Variants in DMD observed in about 807,000 individuals in gnomAD.
The protein encoded by DMD is mutant dystrophin.
A neutral mutation model predicts 330.1 loss-of-function variants in DMD; 63 were observed. The ratio of observed to expected loss-of-function variants is 0.19; its 90% CI spans 0.16 to 0.24. DMD has a LOEUF of 0.24. DMD is among the 10% of genes least tolerant of loss of function. The pLI, the probability that DMD is intolerant of heterozygous loss-of-function variation, is 1.00. For missense variants in DMD, 3,344 were observed against 2,684.1 expected, an observed-to-expected ratio of 1.25 and a Z score of -5.43; for synonymous variants, 1,223 against 959.8, an observed-to-expected ratio of 1.27 and a Z score of -5.07.
At chrX:31,498,862 T>C (rs923526638) in intron 56 of DMD, among the ~76,000 whole-genome samples, 16 of 112,390 alleles carry the variant, frequency 1.4e-4, no homozygotes, top group African/African-American at 4.2e-4. Context: ...TTGAATATAA[T>C]AGTGCATGCA....
At chrX:32,635,059 T>A (rs1168227550) in intron 11 of DMD, among the ~76,000 whole-genome samples, 1 of 112,124 alleles carries the variant, frequency 8.9e-6, no homozygotes, top group Non-Finnish European at 1.9e-5. Context: ...AGGGTTCATC[T>A]AAATGCTCCC....
intron 9 of DMD, among the ~76,000 whole-genome samples, chrX:32,694,781 C>T (rs1300310995): frequency 1.8e-5 from 2 of 111,190 alleles, no homozygotes; most frequent in Non-Finnish European, 3.8e-5. Context: ...CTCAGCCTCC[C>T]GAGTAGCTGG....
At chrX:33,338,329 T>G (rs936050300) in intron 1 of DMD, among the ~76,000 whole-genome samples, 18 of 110,649 alleles carry the variant, frequency 1.6e-4, no homozygotes, top group Non-Finnish European at 3.2e-4. Flanking sequence ...ATGCTCATGC[T>G]CCATTTGCTT....
At chrX:32,244,109 C>T (rs1287451777) in intron 43 of DMD, among the ~76,000 whole-genome samples, 1 of 72,608 alleles carries the variant, frequency 1.4e-5, no homozygotes, top group African/African-American at 5.1e-5. Flanking sequence ...TCCCCCCTCC[C>T]CCCACCCCAC....
At chrX:31,526,128 T>C (rs992501858) in intron 55 of DMD, among the ~76,000 whole-genome samples, 4 of 112,447 alleles carry the variant, frequency 3.6e-5, no homozygotes, top group African/African-American at 1.3e-4. Flanking sequence ...CACCCAAGTG[T>C]TTTAAATGCG....
chrX:32,311,904 C>A (rs2097563930), intron 41 of DMD, among the ~76,000 whole-genome samples: 1 of 111,495 alleles, frequency 9.0e-6, no homozygotes, highest in Non-Finnish European at 1.9e-5. Context: ...GGTTGGTGAC[C>A]ATTATGTTGT....
At chrX:32,495,506 G>A (rs750993555) in intron 19 of DMD, among the ~76,000 whole-genome samples, 14 of 111,552 alleles carry the variant, frequency 1.3e-4, no homozygotes, top group Middle Eastern at 4.6e-3. Context: ...ACACTGTCAC[G>A]TTAATAACCG....
intron 51 of DMD, among the ~76,000 whole-genome samples, chrX:31,754,784 T>C (rs191897548): frequency 9.0e-6 from 1 of 111,183 alleles, no homozygotes; most frequent in East Asian, 2.8e-4. Flanking sequence ...ATTACCCCCA[T>C]ACAAGCCAGG....
At chrX:31,569,638 A>ACG (rs1569551981) in intron 55 of DMD, among the ~76,000 whole-genome samples, 3 of 98,501 alleles carry the variant, frequency 3.0e-5, no homozygotes, top group African/African-American at 1.2e-4. Context: ...ATACGTATAT[A>ACG]TATGTATATA....
chrX:31,246,958 T>G (rs1384279131), intron 63 of DMD, among the ~76,000 whole-genome samples: 7 of 110,368 alleles, frequency 6.3e-5, no homozygotes, highest in African/African-American at 2.3e-4. Flanking sequence ...TTATGTGAAA[T>G]CTACTTTGCC....
chrX:32,461,426 A>T (rs1284720058), intron 25 of DMD, among the ~76,000 whole-genome samples: 1 of 111,494 alleles, frequency 9.0e-6, no homozygotes, highest in Admixed American at 9.6e-5. Context: ...ACAGATACAT[A>T]TAATATTCTA....
intron 55 of DMD, among the ~76,000 whole-genome samples, chrX:31,527,734 A>G (rs2073355245): frequency 9.0e-6 from 1 of 110,976 alleles, no homozygotes; most frequent in Non-Finnish European, 1.9e-5. Flanking sequence ...CTAGATTTCA[A>G]CCTCCTGGTT....
chrX:31,483,753 C>T (rs746569736), intron 57 of DMD, among the ~76,000 whole-genome samples: 1 of 111,632 alleles, frequency 9.0e-6, no homozygotes, highest in African/African-American at 3.2e-5. Flanking sequence ...GATAAAACTC[C>T]CACAAAAAGA....
chrX:33,159,489 T>C (rs1163764218), intron 1 of DMD: 1 of 111,700 alleles, frequency 9.0e-6, no homozygotes, highest in African/African-American at 3.3e-5. Flanking sequence ...CCTGTGTCCA[T>C]GTGTTCTCAT....
intron 1 of DMD, among the ~76,000 whole-genome samples, chrX:33,302,096 T>C: frequency 8.9e-6 from 1 of 111,914 alleles, no homozygotes; most frequent in East Asian, 2.8e-4. Context: ...CTTGAAAACA[T>C]AATTTTAATA....
intron 2 of DMD, among the ~76,000 whole-genome samples, chrX:32,980,362 CTG>C (rs2092673303): frequency 1.9e-5 from 1 of 53,096 alleles, no homozygotes; most frequent in Admixed American, 2.8e-4. Flanking sequence ...GAGCCAGACT[CTG>C]TCTCAAAAAA....
At chrX:31,982,558 T>C (rs1456815914) in intron 44 of DMD, among the ~76,000 whole-genome samples, 1 of 111,639 alleles carries the variant, frequency 9.0e-6, no homozygotes, top group Non-Finnish European at 1.9e-5. Flanking sequence ...TTGGTTTTCT[T>C]CTATCACTTT....
chrX:32,562,004 C>G (rs2051070067), intron 16 of DMD, among the ~76,000 whole-genome samples: 1 of 111,683 alleles, frequency 9.0e-6, no homozygotes, highest in Non-Finnish European at 1.9e-5. Flanking sequence ...TGGAATTCGT[C>G]ACTATCGTAT....
chrX:32,878,662 T>A (rs2083586095), intron 2 of DMD, among the ~76,000 whole-genome samples: 1 of 110,754 alleles, frequency 9.0e-6, no homozygotes, highest in East Asian at 2.8e-4. Context: ...TTAAATAATA[T>A]CAAATTTTTC....
Sources: allele counts gnomAD v4.1 joint callset (sites outside exome capture counted in the v4.1 genomes callset), GRCh38; gene constraint gnomAD v4.1.1; transcripts MANE v1.5; gene names NCBI Gene and HGNC (gene_info 2026-07-23, HGNC 2026-07-21).